The following CDH20 variants were observed in gnomAD, a reference collection of about 807,000 sequenced individuals.
CDH20 encodes cadherin 20, also known as cadherin-20.
CDH20 carries 29 observed loss-of-function variants against 74.2 expected under a neutral mutation model. The ratio of observed to expected loss-of-function variants is 0.39; its 90% CI spans 0.29 to 0.53. The LOEUF is 0.53. Ranked by LOEUF, CDH20 falls within the 20% of genes least tolerant of loss-of-function variation. The probability of loss-of-function intolerance (pLI) is 0.69; values close to 1 mark genes in which losing one functional copy is unlikely to be tolerated. For synonymous variants in CDH20, 469 were observed against 405.4 expected, an observed-to-expected ratio of 1.16 and a Z score of -1.88; for missense variants, 988 against 1,048.3, an observed-to-expected ratio of 0.94 and a Z score of 0.79.
chr18:61,453,423 G>T (rs548933367), intron 1 of CDH20, among the ~76,000 whole-genome samples: 2 of 152,058 alleles, frequency 1.3e-5, no homozygotes, highest in African/African-American at 2.4e-5. Context: ...GATTATAGGC[G>T]TGTGCCACCG....
intron 6 of CDH20, among the ~76,000 whole-genome samples, chr18:61,521,949 C>T (rs1599144115): frequency 6.6e-6 from 1 of 152,114 alleles, no homozygotes; most frequent in African/African-American, 2.4e-5. Context: ...ATGACAAACC[C>T]ACAGCCAATA....
chr18:61,544,942 T>C lies in CDH20; in HGVS notation c.1531-85T>C, dbSNP rs114499844. The C allele has an allele frequency of 2.9e-3, 2,405 of 841,660 alleles. 48 individuals are homozygous for C. The African/African-American group carries it at 0.034, about 12-fold the overall frequency. The allele number at this position is 841,660 out of a possible 1,614,324, so 52.1% of individuals were successfully genotyped here. On this transcript the variant is annotated intron_variant, in intron 9 of 11. Transcript: ENST00000262717. Reference sequence around the variant, plus strand: ...TCTCATAAGGTAAAACATCCCACCATCGCGTTTCCGGGTTTGGGATTTAAC... The same window carrying C: ...TCTCATAAGGTAAAACATCCCACCACCGCGTTTCCGGGTTTGGGATTTAAC...
At chr18:61,378,652 C>G in intron 1 of CDH20, among the ~76,000 whole-genome samples, 1 of 152,240 alleles carries the variant, frequency 6.6e-6, no homozygotes, top group East Asian at 1.9e-4. Flanking sequence ...TGGCATGCCA[C>G]AGCCCAGTCA....
intron 1 of CDH20, among the ~76,000 whole-genome samples, chr18:61,348,736 G>C (rs1188811151): frequency 6.6e-6 from 1 of 152,220 alleles, no homozygotes; most frequent in Non-Finnish European, 1.5e-5. Flanking sequence ...GGGGGTAAGA[G>C]AGCACAACTA....
intron 1 of CDH20, among the ~76,000 whole-genome samples, chr18:61,406,865 C>G (rs1047825849): frequency 1.3e-5 from 2 of 152,098 alleles, no homozygotes; most frequent in African/African-American, 4.8e-5. Context: ...AATCTCCTCC[C>G]AACACAGAAA....
intron 1 of CDH20, among the ~76,000 whole-genome samples, chr18:61,368,241 A>G (rs1029114687): frequency 6.6e-6 from 1 of 152,086 alleles, no homozygotes; most frequent in Non-Finnish European, 1.5e-5. Context: ...GACATAACAT[A>G]TTCACAGGTT....
intron 7 of CDH20, among the ~76,000 whole-genome samples, chr18:61,530,405 T>A (rs912629480): frequency 6.6e-6 from 1 of 152,248 alleles, no homozygotes; most frequent in Non-Finnish European, 1.5e-5. Flanking sequence ...TCTTTTAAAA[T>A]AATGTGTATA....
rs1256046929 is a variant in CDH20, at chr18:61,338,999, TA to T, written c.-153+5173del. Among the ~76,000 whole-genome samples the T allele has an allele frequency of 1.1e-4, 17 of 152,292 alleles. No individual in the cohort carries two copies. The East Asian group carries it at 3.3e-3, about 29-fold the overall frequency. ...ATTTTCAAGTTAAATAAATTTGTAA[TA>T]TTTAATCAAATATTTAGTTAAATAT... is the stretch of plus-strand genomic sequence containing the variant. On this transcript the variant is annotated intron_variant, in intron 1 of 11. Transcript: ENST00000262717.
intron 1 of CDH20, among the ~76,000 whole-genome samples, chr18:61,374,882 T>C (rs527749030): frequency 6.6e-6 from 1 of 152,292 alleles, no homozygotes; most frequent in East Asian, 1.9e-4. Context: ...TTATCATTTG[T>C]CAGTTTCCTC....
intron 1 of CDH20, among the ~76,000 whole-genome samples, chr18:61,352,951 G>A (rs1191560868): frequency 6.6e-6 from 1 of 152,176 alleles, no homozygotes; most frequent in South Asian, 2.1e-4. Flanking sequence ...CCCTTATAGT[G>A]CTGCATAGAA....
intron 7 of CDH20, 72 bp downstream of exon 7, chr18:61,528,292 C>T (rs998338934): frequency 6.1e-6 from 9 of 1,477,736 alleles, no homozygotes; most frequent in African/African-American, 1.4e-5. Context: ...TTTTCTAGCA[C>T]TTTTCCCTTT....
chr18:61,469,083 G>A (rs112959913), intron 1 of CDH20, among the ~76,000 whole-genome samples: 2 of 152,298 alleles, frequency 1.3e-5, no homozygotes, highest in African/African-American at 4.8e-5. Flanking sequence ...ACAAAGCTAG[G>A]AAGGAACTGC....
chr18:61,481,018 T>G (rs1568157620), intron 1 of CDH20, among the ~76,000 whole-genome samples: 1 of 152,204 alleles, frequency 6.6e-6, no homozygotes, highest in Non-Finnish European at 1.5e-5. Context: ...AGTAAAAGCT[T>G]GAAGGTAGAA....
chr18:61,544,902 T>C (rs1337742291), intron 9 of CDH20, 125 bp from the exon 10 acceptor site: 3 of 690,178 alleles, frequency 4.3e-6, no homozygotes, highest in Non-Finnish European at 5.3e-6. Flanking sequence ...CCCTCTCCCA[T>C]ACCAATGATA....
chr18:61,448,893 G>A (rs1005633481), intron 1 of CDH20, among the ~76,000 whole-genome samples: 12 of 152,102 alleles, frequency 7.9e-5, no homozygotes, highest in African/African-American at 1.7e-4. Context: ...GTTCCTCTAC[G>A]TAAAATCAAT....
intron 1 of CDH20, among the ~76,000 whole-genome samples, chr18:61,478,864 A>G (rs1451793048): frequency 1.3e-5 from 2 of 152,174 alleles, no homozygotes; most frequent in Non-Finnish European, 2.9e-5. Context: ...CTAGAAGAGC[A>G]TAGTTCTGAA....
intron 7 of CDH20, among the ~76,000 whole-genome samples, chr18:61,533,715 T>C (rs878935848): frequency 3.3e-5 from 5 of 152,262 alleles, no homozygotes; most frequent in Non-Finnish European, 5.9e-5. Flanking sequence ...TTGTGGAGCT[T>C]TTCCCCTAAG....
At chr18:61,545,660 A>C (rs1042581490) in intron 10 of CDH20, among the ~76,000 whole-genome samples, 6 of 152,088 alleles carry the variant, frequency 3.9e-5, no homozygotes, top group Admixed American at 3.9e-4. Flanking sequence ...ACAATAAAAT[A>C]AAAAACCCCT....
chr18:61,452,583 G>A (rs181729173), intron 1 of CDH20, among the ~76,000 whole-genome samples: 48 of 152,222 alleles, frequency 3.2e-4, no homozygotes, highest in African/African-American at 1.0e-3. Flanking sequence ...TGTCTACCAC[G>A]AATCGCCATA....
Sources: gnomAD v4.1 joint callset for allele counts (sites outside exome capture counted in the v4.1 genomes callset) on GRCh38, gnomAD v4.1.1 for gene constraint, MANE v1.5 for transcripts, NCBI Gene and HGNC (gene_info 2026-07-23, HGNC 2026-07-21) for gene names.